TMCC1: variants seen among roughly 807,000 people sequenced by gnomAD.
TMCC1 encodes transmembrane and coiled-coil domain family 1.
In TMCC1, 15 loss-of-function variants were observed where a neutral mutation model predicts 52.4. The observed-to-expected ratio is 0.29, with a 90% CI of 0.19 to 0.44. The LOEUF is 0.44. Ranked by LOEUF, TMCC1 falls within the 20% of genes least tolerant of loss-of-function variation. The pLI, the probability that TMCC1 is intolerant of heterozygous loss-of-function variation, is 1.00. For synonymous variants in TMCC1, 279 were observed against 301.9 expected, an observed-to-expected ratio of 0.92 and a Z score of 0.79; for missense variants, 503 against 806.0, an observed-to-expected ratio of 0.62 and a Z score of 4.55.
chr3:129,760,436 T>G (rs60689106), intron 4 of TMCC1, among the ~76,000 whole-genome samples: 8,259 of 113,916 alleles, frequency 0.073, 332 homozygotes, highest in Middle Eastern at 0.097. Flanking sequence ...GTGTGTGTGT[T>G]TTTGAGACAG....
intron 4 of TMCC1, among the ~76,000 whole-genome samples, chr3:129,694,881 T>C (rs2108957947): frequency 6.6e-6 from 1 of 152,134 alleles, no homozygotes; most frequent in South Asian, 2.1e-4. Flanking sequence ...TCGCCCTGAA[T>C]TATTTCTTGT....
At chr3:129,760,401 A>AGTGTGTGTGTGTGTGTGTGTGTGT (rs200322394) in intron 4 of TMCC1, among the ~76,000 whole-genome samples, 2 of 137,874 alleles carry the variant, frequency 1.5e-5, no homozygotes, top group African/African-American at 5.5e-5. Context: ...ACGCCAGGCT[A>AGTGTGTGTGTGTGTGTGTGTGTGT]GTGTGTGTGT....
chr3:129,721,067 C>T (rs1166454006), intron 4 of TMCC1, among the ~76,000 whole-genome samples: 2 of 152,054 alleles, frequency 1.3e-5, no homozygotes, highest in Non-Finnish European at 2.9e-5. Context: ...TCTCACACTC[C>T]CAATTCCTGC....
intron 4 of TMCC1, among the ~76,000 whole-genome samples, chr3:129,754,906 C>T (rs1003375185): frequency 5.3e-5 from 8 of 151,988 alleles, no homozygotes; most frequent in Non-Finnish European, 8.8e-5. Flanking sequence ...GGTGAAACCT[C>T]GTCTCTACTA....
At chr3:129,683,082 G>A (rs1217183745) in intron 4 of TMCC1, among the ~76,000 whole-genome samples, 4 of 152,176 alleles carry the variant, frequency 2.6e-5, no homozygotes, top group African/African-American at 4.8e-5. Context: ...TGATCCGCCC[G>A]CCTTGGCCTC....
At chr3:129,696,827 T>TA (rs1380773519) in intron 4 of TMCC1, among the ~76,000 whole-genome samples, 1 of 152,208 alleles carries the variant, frequency 6.6e-6, no homozygotes, top group Non-Finnish European at 1.5e-5. Flanking sequence ...AGTCAAATCT[T>TA]AAAGCTCCAA....
At chr3:129,703,358 T>C (rs957879918) in intron 4 of TMCC1, among the ~76,000 whole-genome samples, 2 of 152,258 alleles carry the variant, frequency 1.3e-5, no homozygotes, top group Non-Finnish European at 2.9e-5. Context: ...CAATTTCTCA[T>C]TGCTATACCT....
At chr3:129,797,620 A>G (rs1415054011) in intron 4 of TMCC1, among the ~76,000 whole-genome samples, 1 of 151,550 alleles carries the variant, frequency 6.6e-6, no homozygotes, top group Non-Finnish European at 1.5e-5. Context: ...TGGCATGAGT[A>G]GGTGGTCCCA....
At chr3:129,724,010 G>A (rs1452219642) in intron 4 of TMCC1, among the ~76,000 whole-genome samples, 1 of 151,898 alleles carries the variant, frequency 6.6e-6, no homozygotes, top group Non-Finnish European at 1.5e-5. Context: ...AGAGGAGGAG[G>A]AGGAATATGC....
Position 129,678,359 on chromosome 3 carries a change from C to CTTTT in TMCC1, c.577-7099_577-7096dup, listed in dbSNP as rs71155564. On this transcript the variant is annotated intron_variant, in intron 4 of 6. Coordinates refer to ENST00000393238, the MANE Select transcript of TMCC1 (RefSeq NM_001017395.5). ...CCCTTGGCATGTACATTGTTTAATT[C>CTTTT]TTTTTTTTTTTTTTTTTTTGAGATG... Among the ~76,000 whole-genome samples, 24 of 117,186 alleles carry CTTTT rather than the reference C, an allele frequency of 2.0e-4. 1 individual carries two copies. The highest frequency in any genetic ancestry group is 5.2e-4 in the South Asian group (2 of 3,870). 76.9% of individuals were successfully genotyped at this position (117,186 alleles called of 152,430 possible). A position where few individuals can be genotyped will look rare whatever the true frequency, so the allele number is the denominator to read the frequency against.
At chr3:129,780,200 G>C (rs2055406848) in intron 4 of TMCC1, among the ~76,000 whole-genome samples, 1 of 152,024 alleles carries the variant, frequency 6.6e-6, no homozygotes, top group Admixed American at 6.6e-5. Flanking sequence ...AACTGAAGGG[G>C]TCTGCAGGAA....
intron 2 of TMCC1, among the ~76,000 whole-genome samples, chr3:129,875,207 G>T (rs2107976057): frequency 6.6e-6 from 1 of 151,046 alleles, no homozygotes; most frequent in East Asian, 1.9e-4. Context: ...AAAAAAAAAT[G>T]GCCAGGTGCG....
intron 4 of TMCC1, among the ~76,000 whole-genome samples, chr3:129,787,506 T>C (rs2056124079): frequency 6.6e-6 from 1 of 152,188 alleles, no homozygotes; most frequent in South Asian, 2.1e-4. Context: ...ATTCCTTGTA[T>C]ATAATGAATG....
chr3:129,697,131 A>G (rs1560211081), intron 4 of TMCC1, among the ~76,000 whole-genome samples: 1 of 152,180 alleles, frequency 6.6e-6, no homozygotes, highest in Non-Finnish European at 1.5e-5. Context: ...TTCCTTCCGC[A>G]CTGCCCTAGC....
chr3:129,770,113 C>G, intron 4 of TMCC1, among the ~76,000 whole-genome samples: 1 of 152,138 alleles, frequency 6.6e-6, no homozygotes, highest in East Asian at 1.9e-4. Context: ...CCTTGGGAAG[C>G]AACTCTAAGG....
chr3:129,875,246 T>C lies in TMCC1; in HGVS notation c.-184+5063A>G, dbSNP rs542227560. On this transcript the variant is annotated intron_variant, in intron 2 of 6. Coordinates refer to ENST00000393238, the MANE Select transcript of TMCC1 (RefSeq NM_001017395.5). ...GCTCACACCTGTAATCCCAGCACTG[T>C]GGGAGGCTGAGGCAGGTGATCACCT... 4.0e-5 allele frequency among the ~76,000 whole-genome samples: 6 copies of C among 151,026 alleles called. No individual in the cohort carries two copies. In the South Asian group the frequency reaches 6.3e-4, roughly 16 times the overall value.
At position 129,756,553 on chromosome 3, in the gene TMCC1, C is replaced by G. The variant is rs557373338; in HGVS notation, c.576+71250G>C. Among the ~76,000 whole-genome samples, 7 of 152,250 alleles carry G rather than the reference C, an allele frequency of 4.6e-5. No homozygotes were observed. The South Asian group carries it at 1.5e-3, about 32-fold the overall frequency. ...AGCTGGGACTACAGGCGCCCACCAC[C>G]AAGCCTGGCTGATTTTTGTATCTTT... On this transcript the variant is annotated intron_variant, in intron 4 of 6. Coordinates refer to ENST00000393238, the MANE Select transcript of TMCC1 (RefSeq NM_001017395.5).
chr3:129,704,678 C>T (rs1360462692), intron 4 of TMCC1, among the ~76,000 whole-genome samples: 3 of 152,168 alleles, frequency 2.0e-5, no homozygotes, highest in Non-Finnish European at 4.4e-5. Flanking sequence ...CTCGGCCTCC[C>T]AAAGTGCTGG....
intron 4 of TMCC1, among the ~76,000 whole-genome samples, chr3:129,806,680 G>C (rs1312434056): frequency 6.6e-6 from 1 of 152,032 alleles, no homozygotes; most frequent in Non-Finnish European, 1.5e-5. Context: ...TCAGAAGACA[G>C]ACATATTACA....
Sources: gnomAD v4.1 joint callset for allele counts (sites outside exome capture counted in the v4.1 genomes callset) on GRCh38, gnomAD v4.1.1 for gene constraint, MANE v1.5 for transcripts, NCBI Gene and HGNC (gene_info 2026-07-23, HGNC 2026-07-21) for gene names.